The following SPMAP2L variants were observed in gnomAD, a reference collection of about 807,000 sequenced individuals.
SPMAP2L encodes sperm microtubule associated protein 2-like.
the SPMAP2L span, chr4:56,531,197 C>T: frequency 2.0e-6 from 3 of 1,499,468 alleles, no homozygotes; most frequent in Non-Finnish European, 2.7e-6. Context: ...CTCGTCCCCT[C>T]TCCTGCTTCT....
the SPMAP2L span, among the ~76,000 whole-genome samples, chr4:56,609,002 G>A: frequency 8.6e-5 from 13 of 150,764 alleles, no homozygotes; most frequent in East Asian, 9.7e-4. Flanking sequence ...GAATGAGAAT[G>A]TATATCCTAT....
chr4:56,545,591 C>T, the SPMAP2L span, among the ~76,000 whole-genome samples: 2,647 of 151,792 alleles, frequency 0.017, 80 homozygotes, highest in African/African-American at 0.06. Context: ...CTTGGTGGCA[C>T]ACACCTGTAG....
At chr4:56,546,594 G>T in the SPMAP2L span, among the ~76,000 whole-genome samples, 1 of 152,198 alleles carries the variant, frequency 6.6e-6, no homozygotes, top group African/African-American at 2.4e-5. Flanking sequence ...ATTTCATCCT[G>T]CCAATTAGTG....
chr4:56,595,207 C>A, the SPMAP2L span: 6 of 1,611,606 alleles, frequency 3.7e-6, no homozygotes, highest in East Asian at 4.5e-5. Flanking sequence ...CTACAGAATT[C>A]TTTTCAGGGG....
At chr4:56,594,002 G>T in the SPMAP2L span, 1 of 1,611,220 alleles carries the variant, frequency 6.2e-7, no homozygotes, top group Non-Finnish European at 8.5e-7. Flanking sequence ...AGTGAAGGAG[G>T]TCTTGGGCAG....
the SPMAP2L span, chr4:56,595,028 A>C: frequency 1.9e-6 from 3 of 1,606,584 alleles, no homozygotes; most frequent in Admixed American, 5.0e-5. Flanking sequence ...CTAAAGCGGA[A>C]TGAGGATGCC....
chr4:56,547,950 A>G, the SPMAP2L span, among the ~76,000 whole-genome samples: 1 of 152,230 alleles, frequency 6.6e-6, no homozygotes, highest in Non-Finnish European at 1.5e-5. Context: ...ACCACAATGA[A>G]GATTTTTCTG....
the SPMAP2L span, among the ~76,000 whole-genome samples, chr4:56,563,510 G>C: frequency 6.6e-6 from 1 of 152,104 alleles, no homozygotes; most frequent in Non-Finnish European, 1.5e-5. Context: ...ACTGTTGGGG[G>C]AGGGGAAGGA....
the SPMAP2L span, chr4:56,600,806 G>C: frequency 1.1e-6 from 1 of 912,580 alleles, no homozygotes; most frequent in Non-Finnish European, 1.6e-6. Flanking sequence ...GAAGCAGAGA[G>C]ACCAGTTACG....
At chr4:56,585,464 G>T in the SPMAP2L span, among the ~76,000 whole-genome samples, 1 of 152,038 alleles carries the variant, frequency 6.6e-6, no homozygotes, top group African/African-American at 2.4e-5. Flanking sequence ...CTCCTACCCT[G>T]GCCTGAATAG....
the SPMAP2L span, chr4:56,594,075 A>G: frequency 1.2e-6 from 2 of 1,609,386 alleles, no homozygotes; most frequent in Non-Finnish European, 1.7e-6. Flanking sequence ...ATTTCTCTTG[A>G]TGAAACAGTC....
the SPMAP2L span, among the ~76,000 whole-genome samples, chr4:56,582,719 A>G: frequency 6.6e-6 from 1 of 152,208 alleles, no homozygotes; most frequent in Admixed American, 6.6e-5. Flanking sequence ...CTAGACATGT[A>G]CCCAAGATAA....
At chr4:56,610,155 C>T in the SPMAP2L span, among the ~76,000 whole-genome samples, 1 of 152,022 alleles carries the variant, frequency 6.6e-6, no homozygotes, top group Non-Finnish European at 1.5e-5. Context: ...CAGGACTAAG[C>T]AAAAAGAGCA....
the SPMAP2L span, among the ~76,000 whole-genome samples, chr4:56,611,068 T>G: frequency 1.3e-5 from 2 of 152,204 alleles, no homozygotes; most frequent in Non-Finnish European, 2.9e-5. Flanking sequence ...AGAACTATCA[T>G]TTGATCCAGC....
chr4:56,533,768 G>A, the SPMAP2L span, among the ~76,000 whole-genome samples: 1 of 144,222 alleles, frequency 6.9e-6, no homozygotes. Context: ...GCAACATAGT[G>A]AGACCTCCTT....
At chr4:56,553,936 A>G in the SPMAP2L span, among the ~76,000 whole-genome samples, 1 of 151,756 alleles carries the variant, frequency 6.6e-6, no homozygotes, top group African/African-American at 2.4e-5. Flanking sequence ...GGAACTGTAC[A>G]GTACGTAATC....
At chr4:56,545,203 A>C in the SPMAP2L span, among the ~76,000 whole-genome samples, 1 of 152,172 alleles carries the variant, frequency 6.6e-6, no homozygotes, top group African/African-American at 2.4e-5. Flanking sequence ...CCCTGGTAGA[A>C]AGCTCTGATA....
the SPMAP2L span, chr4:56,595,248 T>C: frequency 3.7e-6 from 6 of 1,612,222 alleles, no homozygotes; most frequent in Non-Finnish European, 5.1e-6. Flanking sequence ...ATGAATTTAT[T>C]TTGGACACGA....
chr4:56,585,112 T>C, the SPMAP2L span, among the ~76,000 whole-genome samples: 1 of 152,172 alleles, frequency 6.6e-6, no homozygotes, highest in Admixed American at 6.5e-5. Flanking sequence ...TGCCTATATA[T>C]CCCCATTCCA....
Sources: gnomAD v4.1 joint callset for allele counts (sites outside exome capture counted in the v4.1 genomes callset) on GRCh38, gnomAD v4.1.1 for gene constraint, MANE v1.5 for transcripts, NCBI Gene and HGNC (gene_info 2026-07-23, HGNC 2026-07-21) for gene names.